LRRC47: variants seen among roughly 807,000 people sequenced by gnomAD.
LRRC47 encodes the protein leucine-rich repeat-containing protein 47.
Under a neutral mutation model 40.9 loss-of-function variants are expected in LRRC47, and 31 were observed. The ratio of observed to expected loss-of-function variants is 0.76; its 90% confidence interval spans 0.57 to 1.02. LRRC47 has a LOEUF of 1.02. Among genes scored for constraint, LRRC47 ranks in the 50% least tolerant of loss-of-function variants. LRRC47 has a pLI of 0.00. For missense variants in LRRC47, 726 were observed against 796.1 expected (o/e 0.91, Z 1.06); for synonymous variants, 427 against 371.9 (o/e 1.15, Z -1.70).
At position 3,779,442 on chromosome 1, in the gene LRRC47, A is replaced by T. The variant is rs908955319; in HGVS notation, c.*1646T>A. The T allele has an allele frequency of 6.6e-6, 1 of 152,134 alleles. No homozygotes were observed. The allele number at this position is 152,134 out of a possible 1,614,324, so 9.4% of individuals were successfully genotyped here. A position where few individuals can be genotyped will look rare whatever the true frequency, so the allele number is the denominator to read the frequency against. The stretch of plus-strand genomic sequence containing the variant: ...ATCGTAAGGCAGTGGGGTCTGTAAA[A>T]TCATCGCGGTGGCTGGCCGTGTCCT... On this transcript the variant is annotated 3_prime_UTR_variant, in exon 7 of 7. Coordinates refer to ENST00000378251, the MANE Select transcript of LRRC47 (RefSeq NM_020710.3).
chr1:3,792,705 C>T (rs570357720), intron 1 of LRRC47, among the ~76,000 whole-genome samples: 145 of 152,316 alleles, frequency 9.5e-4, no homozygotes, highest in Non-Finnish European at 1.6e-3. Context: ...GTGATTCGCC[C>T]GCCTTGGCCT....
In LRRC47 at chr1:3,786,907, A is replaced by G. The variant is rs1643580223; in HGVS notation, c.1019T>C (p.Val340Ala). 1 of 1,606,730 alleles carries G rather than the reference A, an allele frequency of 6.2e-7. No individual in the cohort carries two copies. The highest frequency in any genetic ancestry group is 8.5e-7 in the Non-Finnish European group (1 of 1,176,992). ...TGGCTGCAGGTCCATGCCTCGCACC[A>G]CGGCCCCCACAATGTAGGGCCGCAC... ...RDVRPYIVGA[V>A]VRGMDLQPGN... The change falls in exon 2 of 7, where the codon GTG becomes GCG. Residue 340 changes from valine to alanine, a missense_variant. Val to Ala is a moderately conservative substitution (Grantham distance 64). Coordinates refer to ENST00000378251, the MANE Select transcript of LRRC47 (RefSeq NM_020710.3).
Position 3,779,262 on chromosome 1 carries a change from G to T in LRRC47, c.*1826C>A, listed in dbSNP as rs548885161. On this transcript the variant is annotated 3_prime_UTR_variant, in exon 7 of 7. Transcript: ENST00000378251. ...ACTGCACAGGGCCCCGGGCCTCTCA[G>T]GTTGACAACTAAAGGTGTGTGGGCT... The T allele has an allele frequency of 6.6e-6, 1 of 152,276 alleles. No homozygotes were observed. Among genetic ancestry groups the T allele is most frequent in the Admixed American group, 6.5e-5 (1 of 15,282 alleles). The allele number at this position is 152,276 out of a possible 1,614,324, so 9.4% of individuals were successfully genotyped here. A position where few individuals can be genotyped will look rare whatever the true frequency, so the allele number is the denominator to read the frequency against.
In LRRC47 at chr1:3,796,423, G is replaced by C. The variant is rs1342255214; in HGVS notation, c.54C>G (p.Arg18=). 6.6e-7 allele frequency: 1 copy of C among 1,518,228 alleles called. No individual in the cohort carries two copies. Among genetic ancestry groups the C allele is most frequent in the South Asian group, 1.2e-5 (1 of 82,892 alleles). 94.0% of individuals were successfully genotyped at this position (1,518,228 alleles called of 1,614,324 possible). Reference sequence around the variant, plus strand: ...TCAGCAGCAGCTCCCGCCGCCGCTCGCGCTCAGCCAGCTCCAGCTCCGGCC... The same window carrying C: ...TCAGCAGCAGCTCCCGCCGCCGCTCCCGCTCAGCCAGCTCCAGCTCCGGCC... ...ESWPELELAE[R]ERRRELLLTG... is the part of the protein sequence containing the mutation. Residue 18 remains arginine, a synonymous_variant, in exon 1 of 7, where the codon CGC becomes CGG. Coordinates refer to ENST00000378251, the MANE Select transcript of LRRC47 (RefSeq NM_020710.3).
At chr1:3,788,132 G>A (rs984604997) in intron 1 of LRRC47, among the ~76,000 whole-genome samples, 3 of 152,234 alleles carry the variant, frequency 2.0e-5, no homozygotes, top group Non-Finnish European at 4.4e-5. Context: ...GGGAACGTGC[G>A]TGTGAGGGCA....
At chr1:3,786,297 A>G (rs1031027661) in intron 2 of LRRC47, among the ~76,000 whole-genome samples, 1 of 152,128 alleles carries the variant, frequency 6.6e-6, no homozygotes, top group African/African-American at 2.4e-5. Context: ...CAGGAGTTCA[A>G]GACCAACCTG....
rs1379836314 is a variant in LRRC47 at position 3,796,384 on chromosome 1, C to T, written c.93G>A (p.Leu31=). ...RRELLLTGPG[L]EERVRAAGGQ... is the part of the protein sequence containing the mutation. Reference sequence around the variant, plus strand: ...CACCCGCCGCCCGCACTCGCTCCTCCAGCCCGGGCCCCGTCAGCAGCAGCT... The same window carrying T: ...CACCCGCCGCCCGCACTCGCTCCTCTAGCCCGGGCCCCGTCAGCAGCAGCT... The change falls in exon 1 of 7, where the codon CTG becomes CTA. Residue 31 remains leucine (L), a synonymous_variant. Coordinates refer to ENST00000378251, the MANE Select transcript of LRRC47 (RefSeq NM_020710.3). The T allele has an allele frequency of 1.1e-5, 17 of 1,514,270 alleles. No individual in the cohort carries two copies. The highest frequency in any genetic ancestry group is 1.4e-5 in the Non-Finnish European group (16 of 1,138,942). 93.8% of individuals were successfully genotyped at this position (1,514,270 alleles called of 1,614,324 possible). A position where few individuals can be genotyped will look rare whatever the true frequency, so the allele number is the denominator to read the frequency against.
chr1:3,795,832 T>C (rs1643668371), intron 1 of LRRC47, 30 bp downstream of exon 1: 1 of 1,535,374 alleles, frequency 6.5e-7, no homozygotes, highest in African/African-American at 1.4e-5. Flanking sequence ...CAAGGCCCCA[T>C]CCCGCCCCGC....
intron 1 of LRRC47, among the ~76,000 whole-genome samples, chr1:3,792,141 T>C (rs1230888771): frequency 6.6e-6 from 1 of 152,230 alleles, no homozygotes; most frequent in Admixed American, 6.5e-5. Flanking sequence ...GCATTTGCCT[T>C]TGTGTGCGAA....
In LRRC47 at chr1:3,785,127, C is replaced by T; in HGVS notation, c.1154G>A (p.Gly385Glu). ...LATHELRAVK[G>E]PLLYCARPPQ... is the part of the protein sequence containing the mutation. ...GGGCCGGGCGCAGTACAGCAGGGGC[C>T]CTTTGACGGCACGGAGCTCGTGGGT... Residue 385 changes from glycine (G) to glutamate (E), a missense_variant, in exon 3 of 7, where the codon GGG (glycine) becomes GAG (glutamate). Transcript: ENST00000378251. 1.9e-6 allele frequency: 3 copies of T among 1,600,716 alleles called. No individual in the cohort carries two copies. The highest frequency in any genetic ancestry group is 2.6e-6 in the Non-Finnish European group (3 of 1,174,042).
At chr1:3,781,714 T>A (rs1007259141) in intron 5 of LRRC47, 113 bp from the exon 6 acceptor site, 5 of 834,006 alleles carry the variant, frequency 6.0e-6, no homozygotes, top group African/African-American at 5.1e-5. Flanking sequence ...GCACAGTGGC[T>A]CACACCTGTA....
chr1:3,781,354 CT>C lies in LRRC47; in HGVS notation c.1504-19del, dbSNP rs1557639936. On this transcript the variant is annotated intron_variant, in intron 6 of 6. Coordinates refer to ENST00000378251, the MANE Select transcript of LRRC47 (RefSeq NM_020710.3). ...GCCATTTTCTGCAAATAAAAAATAC[CT>C]TTTTAACCTGGAGATGAGAGGTGAC... The C allele has an allele frequency of 1.2e-6, 2 of 1,608,538 alleles. No homozygotes were observed. Among genetic ancestry groups the C allele is most frequent in the South Asian group, 1.1e-5 (1 of 90,818 alleles).
chr1:3,786,486 C>T (rs548324199), intron 2 of LRRC47, among the ~76,000 whole-genome samples: 6 of 151,394 alleles, frequency 4.0e-5, no homozygotes, highest in Non-Finnish European at 7.4e-5. Context: ...GGAGACAAAG[C>T]GAGACTCCTT....
intron 2 of LRRC47, 50 bp from the exon 3 acceptor site, chr1:3,785,253 A>G: frequency 7.4e-7 from 1 of 1,353,114 alleles, no homozygotes; most frequent in African/African-American, 1.5e-5. Flanking sequence ...CCTGAAGCCC[A>G]GCGAGGTGTC....
chr1:3,785,232 G>A, intron 2 of LRRC47, 29 bp from the exon 3 acceptor site: 1 of 1,470,606 alleles, frequency 6.8e-7, no homozygotes, highest in Non-Finnish European at 9.1e-7. Context: ...GATGAGCAAG[G>A]TCTCTTGTGC....
In LRRC47 at chr1:3,785,100, G is replaced by A. The variant is rs889683237; in HGVS notation, c.1181C>T (p.Pro394Leu). The A allele has an allele frequency of 3.8e-6, 6 of 1,597,890 alleles. No homozygotes were observed. The highest frequency in any genetic ancestry group is 1.7e-6 in the Non-Finnish European group (2 of 1,172,366). Reference protein sequence around the residue: ...KGPLLYCARPPQDLKIVPLGR... With the variant: ...KGPLLYCARPLQDLKIVPLGR... The stretch of plus-strand genomic sequence containing the variant: ...AGGCTGCAGCACCTTGAGGTCCTGT[G>A]GGGGCCGGGCGCAGTACAGCAGGGG... The change falls in exon 3 of 7, where the codon CCA (proline) becomes CTA (leucine). Residue 394 changes from proline (P) to leucine (L), a missense_variant. By Grantham distance (98) the Pro-to-Leu change is moderately conservative. Coordinates refer to ENST00000378251, the MANE Select transcript of LRRC47 (RefSeq NM_020710.3).
intron 1 of LRRC47, among the ~76,000 whole-genome samples, chr1:3,790,786 TG>T (rs1191866219): frequency 2.6e-5 from 4 of 152,118 alleles, no homozygotes; most frequent in Non-Finnish European, 2.9e-5. Flanking sequence ...AGCCCAGGCT[TG>T]GGGGTGCTCC....
rs564548137 is a variant in LRRC47, at chr1:3,790,240, G to A, written c.616-2930C>T. ...AGGCTGACATAAACCAACCCAATAA[G>A]GAGCGCCAGCCCCTGAGTGAGCCCC... On this transcript the variant is annotated intron_variant, in intron 1 of 6. Coordinates refer to ENST00000378251, the MANE Select transcript of LRRC47 (RefSeq NM_020710.3). 3.3e-4 allele frequency among the ~76,000 whole-genome samples: 49 copies of A among 146,958 alleles called. 2 individuals carry two copies. In the South Asian group the frequency reaches 9.9e-3, roughly 30 times the overall value.
chr1:3,795,930 C>T lies in LRRC47; in HGVS notation c.547G>A (p.Glu183Lys). 2 of 1,602,358 alleles carry T rather than the reference C, an allele frequency of 1.2e-6. No individual in the cohort carries two copies. Among genetic ancestry groups the T allele is most frequent in the Non-Finnish European group, 1.7e-6 (2 of 1,177,678 alleles). ...AGGCAGTTGTCAGCAGCCGCCAGTT[C>T]ACTGAGCAGGGGCAGCGCGCCGGGG... ...FRPGALPLLSELAAADNCLRE... is the reference protein window; with the variant it reads ...FRPGALPLLSKLAAADNCLRE... Residue 183 changes from glutamate (E) to lysine (K), a missense_variant, in exon 1 of 7, where the codon GAA (glutamate) becomes AAA (lysine). Transcript: ENST00000378251.
Sources: allele counts gnomAD v4.1 joint callset (sites outside exome capture counted in the v4.1 genomes callset), GRCh38; gene constraint gnomAD v4.1.1; transcripts MANE v1.5; gene names NCBI Gene and HGNC (gene_info 2026-07-23, HGNC 2026-07-21).